PRSS55: variants seen among roughly 807,000 people sequenced by gnomAD.
The protein encoded by PRSS55 is serine protease 55.
In PRSS55, 41 loss-of-function variants were observed where a neutral mutation model predicts 23.6. The ratio of observed to expected loss-of-function variants is 1.74; its 90% CI spans 1.35 to 2.26. The LOEUF (loss-of-function observed/expected upper bound fraction) is 2.26, where lower values mean the gene tolerates loss of function less well. PRSS55 is among the 30% of genes most tolerant of loss of function. PRSS55 has a pLI of 0.00. For missense variants in PRSS55, 669 were observed against 439.1 expected (o/e 1.52, Z -4.68); for synonymous variants, 262 against 175.5 (o/e 1.49, Z -3.90).
At chr8:10,543,415 T>TTTCTTTTCTTTCC (rs1491297830), downstream of PRSS55, among the ~76,000 whole-genome samples, 5 of 37,798 alleles carry the variant, frequency 1.3e-4, no homozygotes, top group Admixed American at 2.0e-3. Flanking sequence ...CTTTCTTTCT[T>TTTCTTTTCTTTCC]CTTTCTTTCT....
chr8:10,547,454 C>A (rs1274431664), intron 4 of PRSS55: 1 of 152,406 alleles, frequency 6.6e-6, no homozygotes, highest in African/African-American at 2.4e-5. Flanking sequence ...AGAGGTGGAC[C>A]CCACCGTGAT....
At chr8:10,539,185 C>T (rs969058473), downstream of PRSS55, among the ~76,000 whole-genome samples, 6 of 152,174 alleles carry the variant, frequency 3.9e-5, no homozygotes, top group Admixed American at 6.5e-5. Context: ...GGCTTCTCAG[C>T]GGTGATGAGA....
At chr8:10,545,706 T>C (rs1812799528) in intron 4 of PRSS55, among the ~76,000 whole-genome samples, 1 of 152,172 alleles carries the variant, frequency 6.6e-6, no homozygotes, top group Non-Finnish European at 1.5e-5. Flanking sequence ...GGCTCGTAAA[T>C]CATCGTTTGA....
intron 3 of PRSS55, among the ~76,000 whole-genome samples, 172 bp from the exon 4 acceptor site, chr8:10,532,734 A>T (rs1812313470): frequency 6.6e-6 from 1 of 150,722 alleles, no homozygotes; most frequent in African/African-American, 2.5e-5. Flanking sequence ...TTGTTGGGGG[A>T]GTGGGTAAGT....
chr8:10,537,221 C>T (rs1379036651), intron 4 of PRSS55, among the ~76,000 whole-genome samples: 1 of 152,150 alleles, frequency 6.6e-6, no homozygotes, highest in Non-Finnish European at 1.5e-5. Context: ...GATTTGGAAC[C>T]AACCTAAGTT....
downstream of PRSS55, among the ~76,000 whole-genome samples, chr8:10,543,531 C>T (rs745977653): frequency 1.4e-5 from 2 of 147,974 alleles, no homozygotes; most frequent in African/African-American, 2.5e-5. Context: ...CTCAGTGCAG[C>T]GGCACCATTT....
intron 1 of PRSS55, 143 bp from the exon 2 acceptor site, chr8:10,529,364 C>T (rs754704116): frequency 6.2e-5 from 50 of 812,090 alleles, no homozygotes; most frequent in Middle Eastern, 6.8e-4. Flanking sequence ...CTGCCCCGCT[C>T]GGCAGCCTCA....
At chr8:10,529,789 A>G in intron 2 of PRSS55, 90 bp downstream of exon 2, 4 of 1,264,536 alleles carry the variant, frequency 3.2e-6, no homozygotes, top group Non-Finnish European at 4.5e-6. Context: ...GCTGAGAGGA[A>G]CCTGCGACTG....
chr8:10,534,689 C>T (rs1812394493), intron 4 of PRSS55, among the ~76,000 whole-genome samples: 1 of 152,178 alleles, frequency 6.6e-6, no homozygotes, highest in Non-Finnish European at 1.5e-5. Context: ...CACTCCTATT[C>T]AACATAGTAC....
Position 10,538,611 on chromosome 8 carries a change from C to T in PRSS55, c.877C>T (p.Leu293Phe), listed in dbSNP as rs766342276. The change falls in exon 5 of 5, where the codon CTC becomes TTC. Residue 293 changes from leucine to phenylalanine, a missense_variant. Physicochemically the swap from Leu to Phe is conservative, Grantham distance 22 (BLOSUM62 0). Transcript: ENST00000328655. ...GIYTSLVNYN[L>F]WIEKVTQLEG... ...ATACACCTCGTTGGTGAACTACAACCTCTGGATCGAGAAAGTGACCCAGCT... is the reference window on the plus strand; with the variant it reads ...ATACACCTCGTTGGTGAACTACAACTTCTGGATCGAGAAAGTGACCCAGCT... 2 of 1,614,024 alleles carry T rather than the reference C, an allele frequency of 1.2e-6. No homozygotes were observed. Among genetic ancestry groups the T allele is most frequent in the African/African-American group, 2.7e-5 (2 of 74,902 alleles).
intron 4 of PRSS55, chr8:10,544,935 G>C (rs996743852): frequency 7.9e-6 from 6 of 758,080 alleles, no homozygotes; most frequent in Non-Finnish European, 9.6e-6. Context: ...AGGAGATAAA[G>C]TATGTATTTA....
Position 10,530,941 on chromosome 8 carries a change from C to T in PRSS55, c.348-354C>T, listed in dbSNP as rs908467208. On this transcript the variant is annotated intron_variant, in intron 2 of 4. Transcript: ENST00000328655. ...ACAGATATAATAATGAATGCCTTAT[C>T]TATCTGAAGGTCAGTTTGATCCGTG... Among the ~76,000 whole-genome samples, 9 of 152,114 alleles carry T rather than the reference C, an allele frequency of 5.9e-5. 1 individual carries two copies. The highest frequency in any genetic ancestry group is 2.1e-4 in the South Asian group (1 of 4,824).
At chr8:10,527,300 G>A (rs189594774) in intron 1 of PRSS55, among the ~76,000 whole-genome samples, 99 of 152,302 alleles carry the variant, frequency 6.5e-4, no homozygotes, top group Non-Finnish European at 1.1e-3. Flanking sequence ...GATAGAGATC[G>A]CTGCAGTGAA....
chr8:10,535,052 TG>T (rs1328388810), intron 4 of PRSS55, among the ~76,000 whole-genome samples: 1 of 152,070 alleles, frequency 6.6e-6, no homozygotes, highest in Admixed American at 6.5e-5. Context: ...AAAACATTAC[TG>T]AAAGAAATCT....
chr8:10,534,806 C>T (rs982159048), intron 4 of PRSS55, among the ~76,000 whole-genome samples: 1 of 152,166 alleles, frequency 6.6e-6, no homozygotes, highest in Admixed American at 6.5e-5. Context: ...TGGTTCTATA[C>T]CTGGAAAACC....
At chr8:10,532,232 G>T (rs1812294362) in intron 3 of PRSS55, among the ~76,000 whole-genome samples, 1 of 152,190 alleles carries the variant, frequency 6.6e-6, no homozygotes, top group South Asian at 2.1e-4. Flanking sequence ...GGGGGAAGCG[G>T]TGGGACCTTA....
At position 10,529,562 on chromosome 8, in the gene PRSS55, G is replaced by C. The variant is rs149288627; in HGVS notation, c.210G>C (p.Gly70=). ...GAACTCGGTATTCCAGAATCACAGG[G>C]GGGATGGAGGCGGAGGTGGGTGAGT... ...EGRTRYSRIT[G]GMEAEVGEFP... is the part of the protein sequence containing the mutation. Residue 70 remains glycine (G), a synonymous_variant, in exon 2 of 5, where the codon GGG becomes GGC. Transcript: ENST00000328655. The C allele has an allele frequency of 5.6e-6, 9 of 1,614,086 alleles. No individual in the cohort carries two copies. The highest frequency in any genetic ancestry group is 7.6e-6 in the Non-Finnish European group (9 of 1,180,046).
intron 1 of PRSS55, among the ~76,000 whole-genome samples, chr8:10,527,006 C>T (rs557433961): frequency 1.1e-4 from 17 of 152,282 alleles, no homozygotes; most frequent in African/African-American, 3.9e-4. Context: ...AGACAGAGGG[C>T]ACCCATCATA....
downstream of PRSS55, among the ~76,000 whole-genome samples, chr8:10,543,059 G>A (rs896936267): frequency 3.9e-5 from 6 of 152,096 alleles, no homozygotes; most frequent in Middle Eastern, 3.4e-3. Context: ...TTATGGACAG[G>A]TAGACCCTAC....
Sources: allele counts gnomAD v4.1 joint callset (sites outside exome capture counted in the v4.1 genomes callset), GRCh38; gene constraint gnomAD v4.1.1; transcripts MANE v1.5; gene names NCBI Gene and HGNC (gene_info 2026-07-23, HGNC 2026-07-21).